The following GPC6 variants were observed in gnomAD, a reference collection of about 807,000 sequenced individuals.
The protein encoded by GPC6 is glypican 6.
A neutral mutation model predicts 55.2 loss-of-function variants in GPC6; 14 were observed. The observed-to-expected ratio is 0.25, with a 90% CI of 0.17 to 0.40. The LOEUF (loss-of-function observed/expected upper bound fraction) is 0.40, where lower values mean the gene tolerates loss of function less well. Among genes scored for constraint, GPC6 ranks in the 10% least tolerant of loss-of-function variants. The probability of loss-of-function intolerance (pLI) is 1.00; values close to 1 mark genes in which losing one functional copy is unlikely to be tolerated. For missense variants in GPC6, 641 were observed against 708.5 expected, an observed-to-expected ratio of 0.90 and a Z score of 1.08; for synonymous variants, 278 against 259.6, an observed-to-expected ratio of 1.07 and a Z score of -0.68.
At chr13:93,618,343 A>C (rs1878811808) in intron 2 of GPC6, among the ~76,000 whole-genome samples, 1 of 152,152 alleles carries the variant, frequency 6.6e-6, no homozygotes, top group Non-Finnish European at 1.5e-5. Flanking sequence ...TTGATCATTA[A>C]AAATCATATA....
At chr13:93,852,662 A>G (rs562086373) in intron 3 of GPC6, among the ~76,000 whole-genome samples, 1 of 151,712 alleles carries the variant, frequency 6.6e-6, no homozygotes, top group Non-Finnish European at 1.5e-5. Context: ...TTTCCCCACA[A>G]ACTCTCAATT....
chr13:94,331,366 GTTTGCCCGTCCCTGA>G (rs1358887634), intron 6 of GPC6, among the ~76,000 whole-genome samples: 2 of 152,242 alleles, frequency 1.3e-5, no homozygotes, highest in African/African-American at 4.8e-5. Flanking sequence ...CAGAGAGGAA[GTTTGCCCGTCCCTGA>G]TTTACAGCAA....
chr13:94,287,442 G>A (rs1300904364), intron 5 of GPC6, among the ~76,000 whole-genome samples: 1 of 152,148 alleles, frequency 6.6e-6, no homozygotes, highest in Non-Finnish European at 1.5e-5. Flanking sequence ...GGAAGACATT[G>A]CAGAGCAAGA....
intron 1 of GPC6, among the ~76,000 whole-genome samples, chr13:93,528,588 A>T (rs1239663860): frequency 6.6e-6 from 1 of 152,218 alleles, no homozygotes; most frequent in East Asian, 1.9e-4. Context: ...TTCAGATAAG[A>T]TACCATTCAG....
chr13:94,024,926 G>C (rs967989357), intron 3 of GPC6, among the ~76,000 whole-genome samples: 1 of 152,108 alleles, frequency 6.6e-6, no homozygotes, highest in Non-Finnish European at 1.5e-5. Flanking sequence ...GATTCAATAA[G>C]CACTTAACAA....
intron 3 of GPC6, among the ~76,000 whole-genome samples, chr13:93,905,993 G>A (rs542623102): frequency 2.6e-5 from 4 of 152,286 alleles, no homozygotes; most frequent in Non-Finnish European, 4.4e-5. Flanking sequence ...TTGAGTATCT[G>A]TAACATGTTG....
chr13:93,329,578 A>G (rs1468354033), intron 1 of GPC6, among the ~76,000 whole-genome samples: 2 of 152,216 alleles, frequency 1.3e-5, no homozygotes, highest in African/African-American at 4.8e-5. Flanking sequence ...TTATAAGTGA[A>G]TAGTCTCTCT....
intron 2 of GPC6, among the ~76,000 whole-genome samples, chr13:93,578,784 A>G (rs975407649): frequency 1.3e-5 from 2 of 150,086 alleles, no homozygotes; most frequent in Non-Finnish European, 3.0e-5. Flanking sequence ...TAGGTTATTT[A>G]TTTGAAATCT....
chr13:94,382,728 A>C (rs1880221279), intron 7 of GPC6, among the ~76,000 whole-genome samples, 178 bp downstream of exon 7: 1 of 152,058 alleles, frequency 6.6e-6, no homozygotes, highest in South Asian at 2.1e-4. Context: ...GGGAGCACTT[A>C]CTCTTAAGGT....
At chr13:93,984,733 G>A (rs918721289) in intron 3 of GPC6, among the ~76,000 whole-genome samples, 3 of 152,148 alleles carry the variant, frequency 2.0e-5, no homozygotes, top group African/African-American at 7.2e-5. Flanking sequence ...TTTCTAAATT[G>A]CATCTACATG....
intron 6 of GPC6, among the ~76,000 whole-genome samples, chr13:94,308,775 A>C (rs970271890): frequency 1.3e-5 from 2 of 152,226 alleles, no homozygotes; most frequent in Non-Finnish European, 2.9e-5. Context: ...AGAACAAGGC[A>C]CTGTTTGCGC....
intron 2 of GPC6, among the ~76,000 whole-genome samples, chr13:93,809,144 G>A (rs923749995): frequency 6.6e-6 from 1 of 152,098 alleles, no homozygotes; most frequent in African/African-American, 2.4e-5. Context: ...TAACTACCTG[G>A]CAAATACGCC....
intron 1 of GPC6, among the ~76,000 whole-genome samples, chr13:93,347,802 GTGAC>G (rs2139159803): frequency 6.6e-6 from 1 of 152,310 alleles, no homozygotes; most frequent in East Asian, 1.9e-4. Flanking sequence ...AATGCTCTGA[GTGAC>G]TGAGTCCTCC....
chr13:93,939,030 A>T (rs1878588708), intron 3 of GPC6, among the ~76,000 whole-genome samples: 1 of 152,148 alleles, frequency 6.6e-6, no homozygotes, highest in Admixed American at 6.6e-5. Flanking sequence ...TGAACCCAGG[A>T]GGTGGAGGCT....
chr13:93,521,591 G>GGGT (rs2139400214), intron 1 of GPC6, among the ~76,000 whole-genome samples: 1 of 152,042 alleles, frequency 6.6e-6, no homozygotes, highest in South Asian at 2.1e-4. Context: ...TTCTGAAGGA[G>GGGT]GGTGCCCCAT....
intron 3 of GPC6, among the ~76,000 whole-genome samples, chr13:93,961,886 C>A (rs1879794047): frequency 6.6e-6 from 1 of 152,010 alleles, no homozygotes; most frequent in Non-Finnish European, 1.5e-5. Context: ...TTAGCCATTT[C>A]TACTAAAATC....
At chr13:93,219,911 C>T in the GPC6 span, among the ~76,000 whole-genome samples, 3 of 151,900 alleles carry the variant, frequency 2.0e-5, no homozygotes, top group Non-Finnish European at 4.4e-5. Context: ...TTTTAAAAAG[C>T]TTCATCAAAA....
chr13:94,229,420 A>G (rs1890653016), intron 4 of GPC6, among the ~76,000 whole-genome samples: 1 of 152,182 alleles, frequency 6.6e-6, no homozygotes, highest in African/African-American at 2.4e-5. Context: ...CAATTTTGGC[A>G]TCCAACCATT....
intron 1 of GPC6, among the ~76,000 whole-genome samples, chr13:93,461,664 G>C (rs1465177122): frequency 1.7e-5 from 2 of 120,002 alleles, no homozygotes; most frequent in African/African-American, 2.8e-5. Flanking sequence ...AGGTCCCGGC[G>C]GGGGGGTTGG....
Sources: gnomAD v4.1 joint callset for allele counts (sites outside exome capture counted in the v4.1 genomes callset) on GRCh38, gnomAD v4.1.1 for gene constraint, MANE v1.5 for transcripts, NCBI Gene and HGNC (gene_info 2026-07-23, HGNC 2026-07-21) for gene names.